RORB: variants seen among roughly 807,000 people sequenced by gnomAD.
RORB encodes the protein RAR related orphan receptor B.
Under a neutral mutation model 59.1 loss-of-function variants are expected in RORB, and 6 were observed. The ratio of observed to expected loss-of-function variants is 0.10; its 90% CI spans 0.06 to 0.20. The LOEUF (loss-of-function observed/expected upper bound fraction) is 0.20, where lower values mean the gene tolerates loss of function less well. Among genes scored for constraint, RORB ranks in the 10% least tolerant of loss-of-function variants. The pLI is 1.00. For missense variants in RORB, 320 were observed against 560.5 expected (o/e 0.57, Z 4.33); for synonymous variants, 215 against 204.5 (o/e 1.05, Z -0.44).
chr9:74,576,566 AT>A (rs1049292768), intron 1 of RORB, among the ~76,000 whole-genome samples: 27 of 152,018 alleles, frequency 1.8e-4, no homozygotes, highest in East Asian at 5.8e-4. Flanking sequence ...AATGCAAACA[AT>A]TTTTTTTAAG....
rs1563969538 is a variant in RORB at position 74,667,912 on chromosome 9, C to G, written c.1111+11C>G. On this transcript the variant is annotated intron_variant, in intron 8 of 9. Transcript: ENST00000376896. ...TTCTGATATCTCCAGGTAGGGCAGT[C>G]TCAGTTCTCTTACCTTTTTAAAAAA... 1 of 1,510,256 alleles carries G rather than the reference C, an allele frequency of 6.6e-7. No homozygotes were observed. The highest frequency in any genetic ancestry group is 9.2e-7 in the Non-Finnish European group (1 of 1,085,140). 93.6% of individuals were successfully genotyped at this position (1,510,256 alleles called of 1,614,324 possible). A position where few individuals can be genotyped will look rare whatever the true frequency, so the allele number is the denominator to read the frequency against.
At chr9:74,676,701 A>G (rs766017117) in intron 9 of RORB, among the ~76,000 whole-genome samples, 1 of 151,922 alleles carries the variant, frequency 6.6e-6, no homozygotes, top group Non-Finnish European at 1.5e-5. Context: ...GAAGTTCACA[A>G]TCTCCCTCTC....
intron 1 of RORB, among the ~76,000 whole-genome samples, chr9:74,538,069 G>C (rs1587348943): frequency 6.6e-6 from 1 of 151,914 alleles, no homozygotes; most frequent in East Asian, 1.9e-4. Context: ...TCTATATTTA[G>C]ATATGTTTAG....
At chr9:74,520,152 A>G (rs1052370246) in intron 1 of RORB, among the ~76,000 whole-genome samples, 1 of 151,980 alleles carries the variant, frequency 6.6e-6, no homozygotes, top group Non-Finnish European at 1.5e-5. Flanking sequence ...AAGAAAGAAA[A>G]AAAAAATCAG....
rs371380850 is a variant in RORB at position 74,513,636 on chromosome 9, A to G, written c.7+15653A>G. 1.4e-4 allele frequency among the ~76,000 whole-genome samples: 21 copies of G among 152,210 alleles called. No homozygotes were observed. In the South Asian group the frequency reaches 4.3e-3, roughly 32 times the overall value. ...ACCTAGTAACTAATAAAAGACTTTCAAACATGAGAATTTAGACATTAGAAT... is the reference window on the plus strand; with the variant it reads ...ACCTAGTAACTAATAAAAGACTTTCGAACATGAGAATTTAGACATTAGAAT... On this transcript the variant is annotated intron_variant, in intron 1 of 9. Coordinates refer to ENST00000376896, the MANE Select transcript of RORB (RefSeq NM_006914.4).
chr9:74,628,575 A>T (rs890283595), intron 1 of RORB, among the ~76,000 whole-genome samples: 2 of 152,210 alleles, frequency 1.3e-5, no homozygotes, highest in Admixed American at 6.5e-5. Context: ...TTACTTTTTT[A>T]AAAATTCAAT....
intron 7 of RORB, 39 bp downstream of exon 7, chr9:74,665,634 AC>A (rs1184816024): frequency 7.9e-7 from 1 of 1,262,042 alleles, no homozygotes; most frequent in Non-Finnish European, 1.2e-6. Flanking sequence ...TTTATTAGCC[AC>A]CATCAGTTTC....
intron 8 of RORB, among the ~76,000 whole-genome samples, chr9:74,671,448 C>T (rs866147197): frequency 2.0e-5 from 3 of 152,292 alleles, no homozygotes; most frequent in South Asian, 2.1e-4. Context: ...AATTCTTCTT[C>T]ACAAATCGCT....
Position 74,549,619 on chromosome 9 carries a change from AGG to A in RORB, c.7+51637_7+51638del, listed in dbSNP as rs1182162973. Among the ~76,000 whole-genome samples, 310 of 112,496 alleles carry A rather than the reference AGG, an allele frequency of 2.8e-3. 3 individuals are homozygous for A. The highest frequency in any genetic ancestry group is 9.7e-3 in the African/African-American group (301 of 31,146). The allele number at this position is 112,496 out of a possible 152,430, so 73.8% of individuals were successfully genotyped here. On this transcript the variant is annotated intron_variant, in intron 1 of 9. Transcript: ENST00000376896. ...AAGGAAGGAAGGAAGAAAGGAAGGA[AGG>A]AAGGAAGAAAGGAAAGAAAGAAAGA... is the stretch of plus-strand genomic sequence containing the variant.
At chr9:74,628,804 A>G (rs1823565047) in intron 1 of RORB, among the ~76,000 whole-genome samples, 1 of 152,208 alleles carries the variant, frequency 6.6e-6, no homozygotes, top group Non-Finnish European at 1.5e-5. Flanking sequence ...TATAATTTTA[A>G]CAACTCTTAG....
chr9:74,597,188 T>C (rs775396458), intron 1 of RORB, among the ~76,000 whole-genome samples: 19 of 152,180 alleles, frequency 1.2e-4, no homozygotes, highest in Admixed American at 5.2e-4. Context: ...CACTGCTCTA[T>C]AGGAAGTAGG....
intron 9 of RORB, among the ~76,000 whole-genome samples, chr9:74,674,361 T>A (rs1259445693): frequency 6.6e-6 from 1 of 152,220 alleles, no homozygotes; most frequent in Non-Finnish European, 1.5e-5. Context: ...TCTAAAAAAA[T>A]GCACATGTAC....
At position 74,692,627 on chromosome 9, in the gene RORB, G is replaced by C. The variant is rs1824764504; in HGVS notation, c.*7009G>C. ...ACACCACTGTTGGCAATGCATAAAA[G>C]TTGCATTGCCACAAGTATGTAAAAT... On this transcript the variant is annotated 3_prime_UTR_variant, in exon 10 of 10. Coordinates refer to ENST00000376896, the MANE Select transcript of RORB (RefSeq NM_006914.4). 1 of 152,032 alleles carries C rather than the reference G, an allele frequency of 6.6e-6. No individual in the cohort carries two copies. The highest frequency in any genetic ancestry group is 2.1e-4 in the South Asian group (1 of 4,814). The allele number at this position is 152,032 out of a possible 1,614,324, so 9.4% of individuals were successfully genotyped here. A position where few individuals can be genotyped will look rare whatever the true frequency, so the allele number is the denominator to read the frequency against.
At chr9:74,624,166 G>A (rs1242640965) in intron 1 of RORB, among the ~76,000 whole-genome samples, 2 of 151,916 alleles carry the variant, frequency 1.3e-5, no homozygotes, top group Admixed American at 6.6e-5. Flanking sequence ...TCTAACTTTC[G>A]ATGATAAATG....
At chr9:74,526,617 C>T (rs1671570052) in intron 1 of RORB, among the ~76,000 whole-genome samples, 1 of 151,930 alleles carries the variant, frequency 6.6e-6, no homozygotes, top group Non-Finnish European at 1.5e-5. Context: ...CCCATTTGTG[C>T]CAGAAACTTG....
chr9:74,533,034 G>A (rs115996768), intron 1 of RORB, among the ~76,000 whole-genome samples: 1,519 of 151,714 alleles, frequency 0.01, 31 homozygotes, highest in African/African-American at 0.035. Flanking sequence ...GCTGAGAAGT[G>A]GCTTCCATCT....
At chr9:74,561,047 T>C (rs1209438266) in intron 1 of RORB, among the ~76,000 whole-genome samples, 3 of 152,146 alleles carry the variant, frequency 2.0e-5, no homozygotes, top group African/African-American at 7.2e-5. Flanking sequence ...TTGCTGCCAA[T>C]AGATTCAACT....
chr9:74,630,428 GATGCGGTGACAC>G (rs1823596599), intron 2 of RORB, 61 bp downstream of exon 2: 4 of 1,251,326 alleles, frequency 3.2e-6, no homozygotes, highest in Non-Finnish European at 4.4e-6. Context: ...TACCTCACAA[GATGCGGTGACAC>G]GTTTTTAAGG....
intron 6 of RORB, among the ~76,000 whole-genome samples, chr9:74,664,680 G>T (rs1426963969): frequency 6.6e-6 from 1 of 152,136 alleles, no homozygotes; most frequent in Admixed American, 6.5e-5. Flanking sequence ...CAAGCAGAGA[G>T]AAATCAGCAA....
Sources: allele counts gnomAD v4.1 joint callset (sites outside exome capture counted in the v4.1 genomes callset), GRCh38; gene constraint gnomAD v4.1.1; transcripts MANE v1.5; gene names NCBI Gene and HGNC (gene_info 2026-07-23, HGNC 2026-07-21).